Variants in HBEGF observed in about 807,000 individuals in gnomAD.
HBEGF encodes the protein proheparin-binding EGF-like growth factor.
HBEGF carries 8 observed loss-of-function variants against 19.5 expected under a neutral mutation model. The observed-to-expected ratio is 0.41, with a 90% confidence interval of 0.24 to 0.74. The LOEUF (loss-of-function observed/expected upper bound fraction) is 0.74, where lower values mean the gene tolerates loss of function less well. HBEGF is among the 30% of genes least tolerant of loss of function. The probability of loss-of-function intolerance (pLI) is 0.32; values close to 1 mark genes in which losing one functional copy is unlikely to be tolerated. For synonymous variants in HBEGF, 97 were observed against 108.9 expected (o/e 0.89, Z 0.68); for missense variants, 207 against 256.9 (o/e 0.81, Z 1.33).
intron 4 of HBEGF, 122 bp from the exon 5 acceptor site, chr5:140,334,870 G>T: frequency 1.2e-6 from 1 of 804,556 alleles, no homozygotes; most frequent in Non-Finnish European, 2.2e-6. Flanking sequence ...AGCCCAGGCA[G>T]TAGGGCAGCC....
intron 2 of HBEGF, among the ~76,000 whole-genome samples, chr5:140,344,433 T>G (rs4150204): frequency 2.8e-3 from 428 of 152,322 alleles, no homozygotes; most frequent in African/African-American, 9.6e-3. Context: ...AAAATGTGGA[T>G]AGCCAAAGTA....
At chr5:140,334,555 C>A in intron 5 of HBEGF, 103 bp downstream of exon 5, 1 of 797,184 alleles carries the variant, frequency 1.3e-6, no homozygotes, top group South Asian at 1.4e-5. Flanking sequence ...GTCACAGTAG[C>A]CTGGCCCCCA....
chr5:140,343,689 G>A (rs945515468), intron 2 of HBEGF, among the ~76,000 whole-genome samples: 8 of 152,158 alleles, frequency 5.3e-5, no homozygotes, highest in Non-Finnish European at 1.0e-4. Flanking sequence ...AGCTGGGATT[G>A]ACCAGGGACT....
chr5:140,346,224 T>C lies in HBEGF; in HGVS notation c.46+59A>G, dbSNP rs532099641. 2.6e-5 allele frequency: 40 copies of C among 1,565,456 alleles called. No individual in the cohort carries two copies. In the South Asian group the frequency reaches 3.9e-4, roughly 15 times the overall value. The stretch of plus-strand genomic sequence containing the variant: ...GGTGCGCTGCGGCGACCTTCCCCCA[T>C]GCCCCCAGCACAACGCCCCCATCCC... On this transcript the variant is annotated intron_variant, in intron 1 of 5. Transcript: ENST00000230990. This position sits in a 1 kb window ranked among gnomAD's most constrained non-coding sequence, Gnocchi z 6.1.
At position 140,346,425 on chromosome 5, in the gene HBEGF, T is replaced by G; in HGVS notation, c.-97A>C. 7.4e-7 allele frequency: 1 copy of G among 1,357,550 alleles called. No homozygotes were observed. Among genetic ancestry groups the G allele is most frequent in the Non-Finnish European group, 1.0e-6 (1 of 980,540 alleles). 84.1% of individuals were successfully genotyped at this position (1,357,550 alleles called of 1,614,324 possible). A position where few individuals can be genotyped will look rare whatever the true frequency, so the allele number is the denominator to read the frequency against. ...GAGCTGGGCGGCGGAGCTCAGGAGA[T>G]TCCGCCGGGCACCGTCTGCCGCCCG... On this transcript the variant is annotated 5_prime_UTR_variant, in exon 1 of 6. Transcript: ENST00000230990. This position sits in a 1 kb window ranked among gnomAD's most constrained non-coding sequence, Gnocchi z 6.1.
intron 2 of HBEGF, among the ~76,000 whole-genome samples, chr5:140,343,234 T>C (rs1766343162): frequency 6.6e-6 from 1 of 152,150 alleles, no homozygotes; most frequent in African/African-American, 2.4e-5. Flanking sequence ...AGTGAACCAC[T>C]TGCAGAAAGA....
chr5:140,341,823 C>T (rs1176426543), intron 3 of HBEGF, among the ~76,000 whole-genome samples: 2 of 152,194 alleles, frequency 1.3e-5, no homozygotes, highest in East Asian at 3.8e-4. Context: ...AACATTATGC[C>T]TGCCAGAGAG....
intron 3 of HBEGF, among the ~76,000 whole-genome samples, chr5:140,340,582 C>CAAAAAA (rs61489261): frequency 9.4e-4 from 56 of 59,798 alleles, no homozygotes; most frequent in Middle Eastern, 0.013. Flanking sequence ...GACTCTGTCT[C>CAAAAAA]AAAAAAAAAA....
At chr5:140,335,788 A>C in intron 4 of HBEGF, 84 bp downstream of exon 4, 3 of 1,398,574 alleles carry the variant, frequency 2.1e-6, no homozygotes, top group Non-Finnish European at 3.0e-6. Context: ...AGGGAAGTGC[A>C]TGTGACCATC....
chr5:140,339,863 A>C (rs1367165402), intron 3 of HBEGF, among the ~76,000 whole-genome samples: 1 of 152,180 alleles, frequency 6.6e-6, no homozygotes, highest in Non-Finnish European at 1.5e-5. Context: ...AAGAGCCACA[A>C]AGATCCCCAG....
chr5:140,336,242 C>T (rs1459180080), intron 3 of HBEGF, among the ~76,000 whole-genome samples: 3 of 152,196 alleles, frequency 2.0e-5, no homozygotes, highest in Admixed American at 1.3e-4. Context: ...TGACACCCTC[C>T]CCTTTTCCAT....
intron 3 of HBEGF, among the ~76,000 whole-genome samples, chr5:140,341,148 A>T (rs925964583): frequency 1.3e-5 from 2 of 152,222 alleles, no homozygotes; most frequent in Admixed American, 6.5e-5. Context: ...CCTAGGGACC[A>T]CTGGGAAGGT....
chr5:140,336,408 G>A (rs989628893), intron 3 of HBEGF, among the ~76,000 whole-genome samples: 1 of 152,216 alleles, frequency 6.6e-6, no homozygotes, highest in South Asian at 2.1e-4. Context: ...TTGGGCACAA[G>A]AGCTGGTAGG....
rs554172186 is a variant in HBEGF at position 140,346,430 on chromosome 5, C to T, written c.-102G>A. 2.3e-5 allele frequency: 31 copies of T among 1,330,622 alleles called. 1 individual carries two copies. Among genetic ancestry groups the T allele is most frequent in the African/African-American group, 1.9e-4 (13 of 68,700 alleles). 82.4% of individuals were successfully genotyped at this position (1,330,622 alleles called of 1,614,324 possible). A position where few individuals can be genotyped will look rare whatever the true frequency, so the allele number is the denominator to read the frequency against. ...GGGCGGCGGAGCTCAGGAGATTCCG[C>T]CGGGCACCGTCTGCCGCCCGCCTCT... is the stretch of plus-strand genomic sequence containing the variant. On this transcript the variant is annotated 5_prime_UTR_variant, in exon 1 of 6. Coordinates refer to ENST00000230990, the MANE Select transcript of HBEGF (RefSeq NM_001945.3). The surrounding 1 kb of genome is among the most constrained non-coding windows in gnomAD (Gnocchi z 6.1).
intron 3 of HBEGF, among the ~76,000 whole-genome samples, chr5:140,341,215 T>C (rs1766306516): frequency 6.6e-6 from 1 of 152,160 alleles, no homozygotes; most frequent in Non-Finnish European, 1.5e-5. Context: ...AGTCCAGCTC[T>C]CCAGGAGGGC....
At chr5:140,342,897 T>C in intron 2 of HBEGF, 85 bp from the exon 3 acceptor site, 2 of 1,380,220 alleles carry the variant, frequency 1.4e-6, no homozygotes, top group Admixed American at 3.6e-5. Context: ...GTATATATGC[T>C]TTGATTCCAC....
chr5:140,339,318 C>T (rs1766273508), intron 3 of HBEGF, among the ~76,000 whole-genome samples: 1 of 152,206 alleles, frequency 6.6e-6, no homozygotes. Context: ...TTCCTCCAGC[C>T]ACAGGAAACT....
chr5:140,346,049 G>T lies in HBEGF; in HGVS notation c.82C>A (p.Arg28=). 6.2e-7 allele frequency: 1 copy of T among 1,613,676 alleles called. No homozygotes were observed. Among genetic ancestry groups the T allele is most frequent in the Non-Finnish European group, 8.5e-7 (1 of 1,179,850 alleles). The part of the protein sequence containing the change: ...SALVTGESLE[R]LRRGLAAGTS... Reference sequence around the variant, plus strand: ...CCAGCAGCTAGCCCTCTCCGAAGCCGCTCCAGGCTCTCGCCAGTCACCAGT... The same window carrying T: ...CCAGCAGCTAGCCCTCTCCGAAGCCTCTCCAGGCTCTCGCCAGTCACCAGT... Residue 28 remains arginine, a synonymous_variant, in exon 2 of 6, where the codon CGG becomes AGG. Transcript: ENST00000230990. The surrounding 1 kb of genome is among the most constrained non-coding windows in gnomAD (Gnocchi z 6.1).
Position 140,346,516 on chromosome 5 carries a change from C to T in HBEGF, c.-188G>A. ...CTCTTCTTGAGTGTCTTGTCTTGCTCACTCAGCCCGCCCGCGCGGCCGCCC... is the reference window on the plus strand; with the variant it reads ...CTCTTCTTGAGTGTCTTGTCTTGCTTACTCAGCCCGCCCGCGCGGCCGCCC... On this transcript the variant is annotated 5_prime_UTR_variant, in exon 1 of 6. Transcript: ENST00000230990. This position sits in a 1 kb window ranked among gnomAD's most constrained non-coding sequence, Gnocchi z 6.1. 1 of 664,708 alleles carries T rather than the reference C, an allele frequency of 1.5e-6. No homozygotes were observed. Among genetic ancestry groups the T allele is most frequent in the East Asian group, 2.8e-5 (1 of 35,864 alleles). 41.2% of individuals were successfully genotyped at this position (664,708 alleles called of 1,614,324 possible).
Sources: gnomAD v4.1 joint callset for allele counts (sites outside exome capture counted in the v4.1 genomes callset) on GRCh38, gnomAD v4.1.1 for gene constraint, Gnocchi (gnomAD v3.1) non-coding constraint, MANE v1.5 for transcripts, NCBI Gene and HGNC (gene_info 2026-07-23, HGNC 2026-07-21) for gene names.